The following KCNT2 variants were observed in gnomAD, a reference collection of about 807,000 sequenced individuals.
The protein encoded by KCNT2 is potassium sodium-activated channel subfamily T member 2.
KCNT2 carries 67 observed loss-of-function variants against 153.8 expected under a neutral mutation model. The observed-to-expected ratio is 0.44, with a 90% CI of 0.36 to 0.53. The LOEUF (loss-of-function observed/expected upper bound fraction) is 0.53, where lower values mean the gene tolerates loss of function less well. KCNT2 is among the 20% of genes least tolerant of loss of function. KCNT2 has a pLI of 0.00. For missense variants in KCNT2, 975 were observed against 1,354.8 expected (o/e 0.72, Z 4.40); for synonymous variants, 500 against 458.8 (o/e 1.09, Z -1.15).
intron 1 of KCNT2, among the ~76,000 whole-genome samples, chr1:196,523,764 G>C (rs1653811869): frequency 6.6e-6 from 1 of 152,164 alleles, no homozygotes; most frequent in South Asian, 2.1e-4. Context: ...TAACGTTTGT[G>C]AAAATAAGCG....
At chr1:196,564,174 A>G (rs778799617) in intron 1 of KCNT2, among the ~76,000 whole-genome samples, 16 of 151,918 alleles carry the variant, frequency 1.1e-4, no homozygotes, top group Non-Finnish European at 1.8e-4. Flanking sequence ...GTGGAGTTGC[A>G]GGATACAAAA....
intron 8 of KCNT2, among the ~76,000 whole-genome samples, chr1:196,460,510 C>G (rs527461755): frequency 6.6e-6 from 1 of 151,716 alleles, no homozygotes; most frequent in East Asian, 1.9e-4. Context: ...ATAAGAGATG[C>G]TGGGCATAAA....
chr1:196,313,344 A>C (rs1184486352), intron 21 of KCNT2, among the ~76,000 whole-genome samples: 1 of 151,704 alleles, frequency 6.6e-6, no homozygotes, highest in South Asian at 2.1e-4. Context: ...GGTTTAGGCT[A>C]TGACCATGAG....
intron 25 of KCNT2, among the ~76,000 whole-genome samples, chr1:196,265,373 C>G (rs1380711718): frequency 6.6e-6 from 1 of 152,162 alleles, no homozygotes; most frequent in African/African-American, 2.4e-5. Flanking sequence ...ATTAAATGAA[C>G]TTAATGCCTG....
chr1:196,605,001 T>TCC (rs1009525571), intron 1 of KCNT2, among the ~76,000 whole-genome samples: 5 of 152,150 alleles, frequency 3.3e-5, no homozygotes, highest in Non-Finnish European at 7.4e-5. Context: ...AATAGGCCCA[T>TCC]CAATATTATG....
intron 8 of KCNT2, among the ~76,000 whole-genome samples, chr1:196,433,664 A>G (rs952130787): frequency 2.0e-5 from 3 of 152,110 alleles, no homozygotes; most frequent in Non-Finnish European, 4.4e-5. Flanking sequence ...GCTTCTGGGC[A>G]CAAGAAGCAC....
intron 1 of KCNT2, among the ~76,000 whole-genome samples, chr1:196,513,739 AT>A (rs1681827642): frequency 6.6e-6 from 1 of 152,098 alleles, no homozygotes; most frequent in Non-Finnish European, 1.5e-5. Flanking sequence ...TCCTTTCACA[AT>A]AGTACTTATT....
chr1:196,579,269 ATGATGACAAC>A (rs1479506517), intron 1 of KCNT2, among the ~76,000 whole-genome samples: 5 of 152,144 alleles, frequency 3.3e-5, no homozygotes, highest in Admixed American at 6.6e-5. Flanking sequence ...TGGGAGCTAA[ATGATGACAAC>A]AGATGGACAC....
At position 196,253,245 on chromosome 1, in the gene KCNT2, A is replaced by T. The variant is rs901229275; in HGVS notation, c.3211+4949T>A. On this transcript the variant is annotated intron_variant, in intron 26 of 27. Coordinates refer to ENST00000294725, the MANE Select transcript of KCNT2 (RefSeq NM_198503.5). Reference sequence around the variant, plus strand: ...CATTCTATGTGTTCTTCGAAGTTTTATTTTCCCTCCTTCTCTCTATACTGT... The same window carrying T: ...CATTCTATGTGTTCTTCGAAGTTTTTTTTTCCCTCCTTCTCTCTATACTGT... Among the ~76,000 whole-genome samples, 46 of 150,946 alleles carry T rather than the reference A, an allele frequency of 3.0e-4. 1 individual carries two copies. Among genetic ancestry groups the T allele is most frequent in the South Asian group, 1.9e-3 (9 of 4,798 alleles).
At chr1:196,399,891 G>A (rs1671263816) in intron 12 of KCNT2, among the ~76,000 whole-genome samples, 1 of 151,776 alleles carries the variant, frequency 6.6e-6, no homozygotes, top group African/African-American at 2.4e-5. Context: ...GAACCAGGAA[G>A]CCAGTCTTTA....
chr1:196,354,999 C>T (rs960021677), intron 14 of KCNT2, among the ~76,000 whole-genome samples: 5 of 151,678 alleles, frequency 3.3e-5, no homozygotes, highest in African/African-American at 9.7e-5. Context: ...TCTGACAAAT[C>T]GTAGCCAGTT....
At chr1:196,388,833 C>T (rs528271025) in intron 13 of KCNT2, among the ~76,000 whole-genome samples, 1 of 151,646 alleles carries the variant, frequency 6.6e-6, no homozygotes, top group African/African-American at 2.4e-5. Flanking sequence ...ATTAATAAAG[C>T]TAGTTTTACT....
rs550340965 is a variant in KCNT2 at position 196,543,091 on chromosome 1, A to T, written c.96-50750T>A. Among the ~76,000 whole-genome samples the T allele has an allele frequency of 2.6e-5, 4 of 152,300 alleles. No homozygotes were observed. The East Asian group carries it at 7.7e-4, about 29-fold the overall frequency. ...AATTATTTAGCAAATGTATAAGCAA[A>T]ATATTAATTTAAAATATAGTTGTGG... On this transcript the variant is annotated intron_variant, in intron 1 of 27. Transcript: ENST00000294725.
At chr1:196,411,068 TC>T (rs1672269837) in intron 12 of KCNT2, among the ~76,000 whole-genome samples, 1 of 2,394 alleles carries the variant, frequency 4.2e-4, no homozygotes, top group Admixed American at 0.019. Context: ...CCTCCTTCCT[TC>T]CTTCCTTCCT....
At chr1:196,425,132 C>T (rs1365885203) in intron 11 of KCNT2, among the ~76,000 whole-genome samples, 2 of 151,958 alleles carry the variant, frequency 1.3e-5, no homozygotes, top group Non-Finnish European at 2.9e-5. Flanking sequence ...CTTCTGGCAT[C>T]TGAAACTAAG....
chr1:196,434,718 C>T (rs530962674), intron 8 of KCNT2, among the ~76,000 whole-genome samples: 2 of 152,024 alleles, frequency 1.3e-5, no homozygotes, highest in South Asian at 4.1e-4. Flanking sequence ...TCAATCTGAA[C>T]TGGACTAATG....
In KCNT2 at chr1:196,532,008, G is replaced by C. The variant is rs538096489; in HGVS notation, c.96-39667C>G. ...ACAAATTTGTAGTTTAGTTTCCTTTGCTCAATAGTATAGTAAAGTGTTGGG... is the reference window on the plus strand; with the variant it reads ...ACAAATTTGTAGTTTAGTTTCCTTTCCTCAATAGTATAGTAAAGTGTTGGG... On this transcript the variant is annotated intron_variant, in intron 1 of 27. Transcript: ENST00000294725. Among the ~76,000 whole-genome samples the C allele has an allele frequency of 1.3e-4, 19 of 151,790 alleles. 1 individual carries two copies. The East Asian group carries it at 3.5e-3, about 28-fold the overall frequency.
chr1:196,378,880 T>C (rs1295802860), intron 13 of KCNT2, among the ~76,000 whole-genome samples: 1 of 149,792 alleles, frequency 6.7e-6, no homozygotes, highest in African/African-American at 2.4e-5. Context: ...ACTAGAACCA[T>C]CGCTAAAACT....
chr1:196,599,591 A>G (rs1208854078), intron 1 of KCNT2, among the ~76,000 whole-genome samples: 1 of 152,220 alleles, frequency 6.6e-6, no homozygotes, highest in Non-Finnish European at 1.5e-5. Flanking sequence ...TAGTGCTAAG[A>G]CTACTAAAGC....
Sources: allele counts gnomAD v4.1 joint callset (sites outside exome capture counted in the v4.1 genomes callset), GRCh38; gene constraint gnomAD v4.1.1; transcripts MANE v1.5; gene names NCBI Gene and HGNC (gene_info 2026-07-23, HGNC 2026-07-21).